The following ADAM10 variants were observed in gnomAD, a reference collection of about 807,000 sequenced individuals.
ADAM10 encodes disintegrin and metalloproteinase domain-containing protein 10.
In ADAM10, 17 loss-of-function variants were observed where a neutral mutation model predicts 90.1. The ratio of observed to expected loss-of-function variants is 0.19; its 90% CI spans 0.13 to 0.28. ADAM10 has a LOEUF of 0.28. Among genes scored for constraint, ADAM10 ranks in the 10% least tolerant of loss-of-function variants. ADAM10 has a pLI of 1.00. For synonymous variants in ADAM10, 310 were observed against 298.6 expected (o/e 1.04, Z -0.40); for missense variants, 610 against 914.3 (o/e 0.67, Z 4.29).
At chr15:58,659,566 C>T (rs1477216600) in intron 5 of ADAM10, among the ~76,000 whole-genome samples, 1 of 152,056 alleles carries the variant, frequency 6.6e-6, no homozygotes, top group African/African-American at 2.4e-5. Context: ...TTCATTTGAG[C>T]ATAATGTGTT....
chr15:58,603,110 T>C (rs1223066105), intron 14 of ADAM10, among the ~76,000 whole-genome samples: 4 of 152,238 alleles, frequency 2.6e-5, no homozygotes, highest in Non-Finnish European at 5.9e-5. Flanking sequence ...TTTTAAGTTT[T>C]ATTTTGTTTT....
chr15:58,605,913 A>T (rs1199989024), intron 14 of ADAM10, among the ~76,000 whole-genome samples: 1 of 152,208 alleles, frequency 6.6e-6, no homozygotes, highest in African/African-American at 2.4e-5. Flanking sequence ...AAATATAAAC[A>T]AAAAGAACCT....
intron 2 of ADAM10, chr15:58,686,355 C>A: frequency 1.4e-6 from 1 of 724,528 alleles, no homozygotes; most frequent in South Asian, 1.6e-5. Context: ...TACTTCAAAC[C>A]TATCCTAATA....
At chr15:58,682,150 G>GAAA in intron 3 of ADAM10, 46 bp downstream of exon 3, 1 of 1,239,102 alleles carries the variant, frequency 8.1e-7, no homozygotes, top group Non-Finnish European at 1.1e-6. Context: ...TCTTTGTGTA[G>GAAA]AAAAAAAAAA....
At chr15:58,622,667 A>T (rs1356176923) in intron 10 of ADAM10, among the ~76,000 whole-genome samples, 2 of 152,192 alleles carry the variant, frequency 1.3e-5, no homozygotes, top group Non-Finnish European at 2.9e-5. Flanking sequence ...ATTGAGCCAG[A>T]TCTTGGTTGA....
intron 2 of ADAM10, among the ~76,000 whole-genome samples, chr15:58,688,786 A>ATATATATATATATATATATATATATATC: frequency 1.9e-4 from 23 of 122,356 alleles, no homozygotes; most frequent in African/African-American, 5.0e-4. Flanking sequence ...ATATATATAT[A>ATATATATATATATATATATATATATATC]TCTCTCTCTC....
Position 58,596,064 on chromosome 15 carries a change from G to A in ADAM10, c.*1483C>T, listed in dbSNP as rs1344180473. 1 of 148,746 alleles carries A rather than the reference G, an allele frequency of 6.7e-6. No individual in the cohort carries two copies. Among genetic ancestry groups the A allele is most frequent in the African/African-American group, 2.5e-5 (1 of 40,208 alleles). The allele number at this position is 148,746 out of a possible 1,614,324, so 9.2% of individuals were successfully genotyped here. On this transcript the variant is annotated 3_prime_UTR_variant, in exon 16 of 16. Transcript: ENST00000260408. ...CTGGCTTGCGTCACATTATGAGAAT[G>A]ATTGTGTAAACCTTATACTCTTAAA...
chr15:58,664,617 T>G (rs1353197280), intron 5 of ADAM10, among the ~76,000 whole-genome samples: 1 of 152,136 alleles, frequency 6.6e-6, no homozygotes, highest in Non-Finnish European at 1.5e-5. Flanking sequence ...GAACTTATGT[T>G]TTGAATAACT....
In ADAM10 at chr15:58,696,033, T is replaced by C. The variant is rs187947216; in HGVS notation, c.207-13719A>G. Among the ~76,000 whole-genome samples, 863 of 152,166 alleles carry C rather than the reference T, an allele frequency of 5.7e-3. 43 individuals carry two copies. The highest frequency in any genetic ancestry group is 0.051 in the Admixed American group (781 of 15,294). ...TGGGAAGCTGCGGCAGGAGAATCGC[T>C]TGAACCCAGGAGGCAGAGGTTAAGG... On this transcript the variant is annotated intron_variant, in intron 2 of 15. Transcript: ENST00000260408.
intron 2 of ADAM10, among the ~76,000 whole-genome samples, chr15:58,693,761 T>TTAAAAAAA (rs1418192504): frequency 7.4e-6 from 1 of 135,936 alleles, no homozygotes; most frequent in African/African-American, 2.7e-5. Context: ...GAAATAGCTT[T>TTAAAAAAA]AAAAAAAAAA....
At chr15:58,641,365 A>G (rs1479328980) in intron 7 of ADAM10, among the ~76,000 whole-genome samples, 1 of 152,178 alleles carries the variant, frequency 6.6e-6, no homozygotes, top group Non-Finnish European at 1.5e-5. Flanking sequence ...ACTTACAAGG[A>G]TATAAAACCC....
intron 2 of ADAM10, chr15:58,686,439 T>C (rs1897605019): frequency 2.2e-6 from 3 of 1,367,370 alleles, no homozygotes; most frequent in Non-Finnish European, 3.1e-6. Flanking sequence ...GCGAGCGCCC[T>C]GCAGTGCCTG....
At chr15:58,704,099 T>A (rs1595637052) in intron 2 of ADAM10, 1 of 152,342 alleles carries the variant, frequency 6.6e-6, no homozygotes, top group African/African-American at 2.4e-5. Flanking sequence ...ATCAGTCGAA[T>A]GAACGCTGGA....
chr15:58,733,665 T>C (rs143498875), intron 1 of ADAM10, among the ~76,000 whole-genome samples: 6 of 152,178 alleles, frequency 3.9e-5, no homozygotes, highest in African/African-American at 7.2e-5. Context: ...ATAACCTCTA[T>C]AGGGGATTCA....
chr15:58,640,289 G>T (rs1321757641), intron 8 of ADAM10, among the ~76,000 whole-genome samples: 1 of 152,056 alleles, frequency 6.6e-6, no homozygotes, highest in African/African-American at 2.4e-5. Context: ...TAAAATAAAG[G>T]CTAGAAATAA....
chr15:58,733,198 A>G (rs1372638901), intron 1 of ADAM10: 1 of 152,260 alleles, frequency 6.6e-6, no homozygotes, highest in Non-Finnish European at 1.5e-5. Context: ...ATAAAAGAGA[A>G]GAGCTGACAG....
chr15:58,665,459 T>C (rs1291243204), intron 4 of ADAM10, among the ~76,000 whole-genome samples: 1 of 152,118 alleles, frequency 6.6e-6, no homozygotes, highest in Non-Finnish European at 1.5e-5. Flanking sequence ...CAATAACCAC[T>C]CATTATTCTG....
At chr15:58,700,831 A>G (rs1186634142) in intron 2 of ADAM10, among the ~76,000 whole-genome samples, 1 of 151,974 alleles carries the variant, frequency 6.6e-6, no homozygotes, top group Non-Finnish European at 1.5e-5. Context: ...CATGAGCAAC[A>G]TAGCAAGACC....
chr15:58,599,013 C>G (rs1895035041), intron 15 of ADAM10, among the ~76,000 whole-genome samples: 1 of 152,120 alleles, frequency 6.6e-6, no homozygotes, highest in African/African-American at 2.4e-5. Flanking sequence ...GAAAATATTT[C>G]AAGAGCACAA....
Sources: allele counts gnomAD v4.1 joint callset (sites outside exome capture counted in the v4.1 genomes callset), GRCh38; gene constraint gnomAD v4.1.1; transcripts MANE v1.5; gene names NCBI Gene and HGNC (gene_info 2026-07-23, HGNC 2026-07-21).